The following PKHD1 variants were observed in gnomAD, a reference collection of about 807,000 sequenced individuals.
The protein encoded by PKHD1 is PKHD1 ciliary IPT domain containing fibrocystin/polyductin.
PKHD1 carries 291 observed loss-of-function variants against 412.0 expected under a neutral mutation model. The ratio of observed to expected loss-of-function variants is 0.71; its 90% CI spans 0.64 to 0.78. The LOEUF (loss-of-function observed/expected upper bound fraction) is 0.78. PKHD1 is among the 30% of genes least tolerant of loss of function. PKHD1 has a pLI of 0.00. For missense variants in PKHD1, 4,825 were observed against 4,950.7 expected (o/e 0.97, Z 0.76); for synonymous variants, 1,777 against 1,821.5 (o/e 0.98, Z 0.62).
chr6:51,722,735 G>A (rs1782081972), intron 60 of PKHD1, among the ~76,000 whole-genome samples: 2 of 152,076 alleles, frequency 1.3e-5, no homozygotes, highest in African/African-American at 4.8e-5. Flanking sequence ...AATCTAATTG[G>A]GGAAAGCCAC....
intron 43 of PKHD1, among the ~76,000 whole-genome samples, chr6:51,898,257 C>T (rs377200531): frequency 6.7e-6 from 1 of 149,690 alleles, no homozygotes; most frequent in Non-Finnish European, 1.5e-5. Context: ...TGACCACATA[C>T]TTGGAAGTAA....
intron 35 of PKHD1, among the ~76,000 whole-genome samples, chr6:51,968,250 C>T (rs754285402): frequency 2.6e-5 from 4 of 152,170 alleles, no homozygotes; most frequent in Non-Finnish European, 2.9e-5. Flanking sequence ...AATTTTTTTA[C>T]AGAAACAAAC....
At chr6:51,857,895 A>G (rs9463733) in intron 48 of PKHD1, among the ~76,000 whole-genome samples, 43,362 of 152,118 alleles carry the variant, frequency 0.29, 6,589 homozygotes, top group Middle Eastern at 0.43. Context: ...GCATTTGGGA[A>G]TGAAAGAACT....
In PKHD1 at chr6:51,659,242, A is replaced by C; in HGVS notation, c.10884T>G (p.Thr3628=). Residue 3628 remains threonine, a synonymous_variant, in exon 61 of 67, where the codon ACT becomes ACG. Coordinates refer to ENST00000371117, the MANE Select transcript of PKHD1 (RefSeq NM_138694.4). ...RKRNCPTVTC[T]SHYRRVGQRR... ...GTTGACCAACTCTTCTATAATGACT[A>C]GTGCAAGTCACAGTAGGGCAATTGC... 1 of 1,613,850 alleles carries C rather than the reference A, an allele frequency of 6.2e-7. No individual in the cohort carries two copies. The highest frequency in any genetic ancestry group is 8.5e-7 in the Non-Finnish European group (1 of 1,179,890).
intron 55 of PKHD1, among the ~76,000 whole-genome samples, chr6:51,759,697 G>A (rs920650216): frequency 7.9e-5 from 12 of 152,186 alleles, no homozygotes; most frequent in African/African-American, 2.9e-4. Flanking sequence ...CTGTCTTAAG[G>A]CTTACACTGT....
intron 60 of PKHD1, among the ~76,000 whole-genome samples, chr6:51,671,033 T>G (rs1276606837): frequency 6.6e-6 from 1 of 152,054 alleles, no homozygotes; most frequent in African/African-American, 2.4e-5. Flanking sequence ...GTCTTGGAGT[T>G]TCTCTTCTCG....
intron 43 of PKHD1, among the ~76,000 whole-genome samples, chr6:51,897,911 CAAAG>C (rs1780410480): frequency 6.6e-6 from 1 of 151,938 alleles, no homozygotes; most frequent in Non-Finnish European, 1.5e-5. Flanking sequence ...TCAAAAGAGA[CAAAG>C]AAGACCATTA....
intron 43 of PKHD1, among the ~76,000 whole-genome samples, chr6:51,889,522 G>A (rs80291580): frequency 0.012 from 1,876 of 152,178 alleles, 29 homozygotes; most frequent in East Asian, 0.067. Flanking sequence ...TAAGTGTGTC[G>A]CAAACACTAT....
intron 52 of PKHD1, among the ~76,000 whole-genome samples, chr6:51,812,430 A>C (rs777899099): frequency 6.6e-6 from 1 of 152,208 alleles, no homozygotes; most frequent in Non-Finnish European, 1.5e-5. Flanking sequence ...TCAGGCCACG[A>C]TGGGAAGGAG....
At chr6:51,759,933 T>A (rs1015143092) in intron 55 of PKHD1, among the ~76,000 whole-genome samples, 12 of 152,232 alleles carry the variant, frequency 7.9e-5, no homozygotes, top group African/African-American at 2.9e-4. Flanking sequence ...CCAACCTACC[T>A]TCCAAACATA....
At chr6:51,702,510 A>G (rs1238764533) in intron 60 of PKHD1, among the ~76,000 whole-genome samples, 1 of 151,854 alleles carries the variant, frequency 6.6e-6, no homozygotes, top group Non-Finnish European at 1.5e-5. Context: ...GTGCACCAAA[A>G]TCTCACAAAT....
Position 52,026,150 on chromosome 6 carries a change from G to A in PKHD1, c.3660C>T (p.Gly1220=). Residue 1220 remains glycine, a synonymous_variant, in exon 32 of 67, where the codon GGC becomes GGT. Coordinates refer to ENST00000371117, the MANE Select transcript of PKHD1 (RefSeq NM_138694.4). ...GGTILSISGI[G]FSRDPALVWV... ...AAACCAAAGCTGGGTCCCTGCTGAA[G>A]CCTATTCCTGAGATGCTGAGGATGG... is the stretch of plus-strand genomic sequence containing the variant. The A allele has an allele frequency of 6.2e-7, 1 of 1,614,116 alleles. No homozygotes were observed. Among genetic ancestry groups the A allele is most frequent in the African/African-American group, 1.3e-5 (1 of 75,058 alleles).
chr6:51,981,411 T>C (rs1188552364), intron 35 of PKHD1, among the ~76,000 whole-genome samples: 2 of 141,340 alleles, frequency 1.4e-5, no homozygotes, highest in African/African-American at 2.6e-5. Context: ...GGCTGGACGG[T>C]GCTGCTGCCA....
rs141047704 is a variant in PKHD1, at chr6:51,783,922, G to A, written c.8440+7314C>T. On this transcript the variant is annotated intron_variant, in intron 53 of 66. Transcript: ENST00000371117. ...TTAACACCATAATTTCTTCCTCACA[G>A]ATGTAGACATTTAAGTGTAAGGAGA... 2.0e-5 allele frequency among the ~76,000 whole-genome samples: 3 copies of A among 152,204 alleles called. No individual in the cohort carries two copies. The East Asian group carries it at 5.8e-4, about 29-fold the overall frequency.
chr6:52,083,208 C>CT lies in PKHD1; in HGVS notation c.99dup (p.Gly34ArgfsTer10). On this transcript the variant is annotated frameshift_variant, in exon 3 of 67. Transcript: ENST00000371117. LOFTEE classifies it high-confidence loss of function. ...AAAATGACTGTGATCCACGTTCCCC[C>CT]TGCAAGGCTACCTTCTTCAGGTTCA... is the stretch of plus-strand genomic sequence containing the variant. 1 of 1,612,224 alleles carries CT rather than the reference C, an allele frequency of 6.2e-7. No individual in the cohort carries two copies. The highest frequency in any genetic ancestry group is 2.2e-5 in the East Asian group (1 of 44,866).
chr6:52,087,044 T>C (rs1812896064), intron 1 of PKHD1, among the ~76,000 whole-genome samples: 1 of 152,244 alleles, frequency 6.6e-6, no homozygotes, highest in African/African-American at 2.4e-5. Flanking sequence ...ATTCGCACAC[T>C]GGTTTTCTTA....
chr6:52,071,160 A>G (rs1810556653), intron 8 of PKHD1, 90 bp from the exon 9 acceptor site: 1 of 896,170 alleles, frequency 1.1e-6, no homozygotes, highest in African/African-American at 1.6e-5. Flanking sequence ...AAAGCAAAAG[A>G]AAACCAAATT....
At chr6:51,872,046 A>G (rs1174440206) in intron 46 of PKHD1, among the ~76,000 whole-genome samples, 2 of 152,170 alleles carry the variant, frequency 1.3e-5, no homozygotes, top group Non-Finnish European at 2.9e-5. Flanking sequence ...GAAAAAAGGA[A>G]TTCAATATCA....
At position 52,033,082 on chromosome 6, in the gene PKHD1, A is replaced by G. The variant is rs761240111; in HGVS notation, c.3312T>C (p.Ser1104=). Residue 1104 remains serine, a synonymous_variant, in exon 29 of 67, where the codon TCT becomes TCC. Coordinates refer to ENST00000371117, the MANE Select transcript of PKHD1 (RefSeq NM_138694.4). ...AVLPRAFTYV[S]SLNPVIVTLS... is the part of the protein sequence containing the mutation. ...GAGTCACAATAACTGGATTTAAGGA[A>G]GAGACATATGTAAATGCTCTGGGAA... 6.2e-7 allele frequency: 1 copy of G among 1,611,920 alleles called. No individual in the cohort carries two copies. The highest frequency in any genetic ancestry group is 8.5e-7 in the Non-Finnish European group (1 of 1,178,046).
Sources: allele counts gnomAD v4.1 joint callset (sites outside exome capture counted in the v4.1 genomes callset), GRCh38; gene constraint gnomAD v4.1.1; transcripts MANE v1.5; gene names NCBI Gene and HGNC (gene_info 2026-07-23, HGNC 2026-07-21).